The following PRKCH variants were observed in gnomAD, a reference collection of about 807,000 sequenced individuals.
The protein encoded by PRKCH is protein kinase C eta type.
Under a neutral mutation model 82.5 loss-of-function variants are expected in PRKCH, and 28 were observed. That is an observed-to-expected ratio of 0.34 (90% CI 0.25 to 0.47). The LOEUF (loss-of-function observed/expected upper bound fraction) is 0.47, where lower values mean the gene tolerates loss of function less well. PRKCH is among the 20% of genes least tolerant of loss of function. The pLI is 1.00. For missense variants in PRKCH, 705 were observed against 881.8 expected (o/e 0.80, Z 2.54); for synonymous variants, 322 against 327.4 (o/e 0.98, Z 0.18).
At chr14:61,378,790 GA>G (rs1168541284) in intron 1 of PRKCH, among the ~76,000 whole-genome samples, 4 of 152,060 alleles carry the variant, frequency 2.6e-5, no homozygotes, top group African/African-American at 9.7e-5. Context: ...CATCAGTTAC[GA>G]AAAGTCCAGC....
Position 61,549,853 on chromosome 14 carries a change from G to A in PRKCH, c.*22G>A, listed in dbSNP as rs768993285. 13 of 1,608,430 alleles carry A rather than the reference G, an allele frequency of 8.1e-6. No individual in the cohort carries two copies. The South Asian group carries it at 1.1e-4, about 14-fold the overall frequency. On this transcript the variant is annotated 3_prime_UTR_variant, in exon 14 of 14. Coordinates refer to ENST00000332981, the MANE Select transcript of PRKCH (RefSeq NM_006255.5). Reference sequence around the variant, plus strand: ...ATAGCCTTATGGGGAGTGAGAGAGAGGGCACGAGAACCCAAAGGGAATAGA... The same window carrying A: ...ATAGCCTTATGGGGAGTGAGAGAGAAGGCACGAGAACCCAAAGGGAATAGA...
intron 1 of PRKCH, among the ~76,000 whole-genome samples, chr14:61,343,351 C>CAAAAAAAAAAAAAA: frequency 1.1e-5 from 1 of 87,350 alleles, no homozygotes; most frequent in Non-Finnish European, 2.2e-5. Context: ...CCAGTTCCCT[C>CAAAAAAAAAAAAAA]AAAAAAAAAA....
intron 10 of PRKCH, among the ~76,000 whole-genome samples, chr14:61,503,566 T>C (rs1392998327): frequency 1.3e-5 from 2 of 152,128 alleles, no homozygotes; most frequent in Non-Finnish European, 2.9e-5. Context: ...TTTCAGAATG[T>C]AAAATATGAA....
intron 1 of PRKCH, among the ~76,000 whole-genome samples, chr14:61,243,920 A>C (rs2044860389): frequency 6.6e-6 from 1 of 150,526 alleles, no homozygotes. Flanking sequence ...AGACCAGCCT[A>C]GACAAGATGG....
chr14:61,483,828 G>T (rs539802360), intron 9 of PRKCH, among the ~76,000 whole-genome samples: 1 of 152,284 alleles, frequency 6.6e-6, no homozygotes, highest in East Asian at 1.9e-4. Flanking sequence ...TGGGAGTATT[G>T]CTTGAGCTCA....
At chr14:61,295,755 G>A (rs2045401109) in intron 1 of PRKCH, among the ~76,000 whole-genome samples, 1 of 152,214 alleles carries the variant, frequency 6.6e-6, no homozygotes, top group South Asian at 2.1e-4. Flanking sequence ...AGTAAAGAAA[G>A]CAATGGCTTA....
Position 61,322,338 on chromosome 14 carries a change from C to T in PRKCH, c.237C>T (p.Gly79=), listed in dbSNP as rs2045637513. The T allele has an allele frequency of 1.9e-6, 3 of 1,613,348 alleles. No homozygotes were observed. The highest frequency in any genetic ancestry group is 1.7e-6 in the Non-Finnish European group (2 of 1,179,930). ...NEEFCANVTD[G]GHLELAVFHE... is the part of the protein sequence containing the mutation. The stretch of plus-strand genomic sequence containing the variant: ...AGTTTTGCGCTAACGTCACCGACGG[C>T]GGCCACCTCGAGTTGGCCGTCTTCC... The change falls in exon 1 of 14, where the codon GGC becomes GGT. Residue 79 remains glycine (G), a synonymous_variant. Transcript: ENST00000332981.
At chr14:61,305,562 A>G (rs2045480421) in intron 1 of PRKCH, 1 of 152,112 alleles carries the variant, frequency 6.6e-6, no homozygotes, top group Non-Finnish European at 1.5e-5. Context: ...TTCTGTTATT[A>G]AATTATATAA....
intron 9 of PRKCH, chr14:61,476,423 G>A (rs1279011774): frequency 6.6e-6 from 1 of 152,214 alleles, no homozygotes; most frequent in Non-Finnish European, 1.5e-5. Flanking sequence ...GACCAGAAAT[G>A]CCAAAGGAGG....
intron 2 of PRKCH, among the ~76,000 whole-genome samples, chr14:61,428,076 TACAC>T (rs1555386066): frequency 4.8e-5 from 6 of 126,206 alleles, no homozygotes; most frequent in African/African-American, 1.8e-4. Flanking sequence ...GATAGATAGA[TACAC>T]ACACACACAC....
chr14:61,246,434 AT>A (rs968462660), intron 1 of PRKCH, among the ~76,000 whole-genome samples: 12 of 151,362 alleles, frequency 7.9e-5, no homozygotes, highest in African/African-American at 2.9e-4. Flanking sequence ...GAATTTTCTT[AT>A]TAAGTTTGTT....
chr14:61,257,203 G>A (rs1383270610), intron 1 of PRKCH, among the ~76,000 whole-genome samples: 2 of 152,206 alleles, frequency 1.3e-5, no homozygotes, highest in East Asian at 1.9e-4. Context: ...TCCAGTGAGA[G>A]TTAATAATAT....
At chr14:61,199,754 T>A (rs2044466076) in intron 1 of PRKCH, among the ~76,000 whole-genome samples, 1 of 152,134 alleles carries the variant, frequency 6.6e-6, no homozygotes, top group African/African-American at 2.4e-5. Context: ...ATGGAGCGCT[T>A]ACCTCTATTA....
At chr14:61,253,749 C>T (rs907272897) in intron 1 of PRKCH, among the ~76,000 whole-genome samples, 2 of 152,146 alleles carry the variant, frequency 1.3e-5, no homozygotes, top group Non-Finnish European at 2.9e-5. Flanking sequence ...GCAAGTTTTC[C>T]AAATTTCCTA....
At chr14:61,287,027 G>A (rs1051906810) in intron 1 of PRKCH, among the ~76,000 whole-genome samples, 6 of 151,496 alleles carry the variant, frequency 4.0e-5, no homozygotes, top group East Asian at 2.0e-4. Flanking sequence ...CCAATATGGC[G>A]AAACCCCGTC....
At chr14:61,538,135 C>A (rs1418634996) in intron 12 of PRKCH, among the ~76,000 whole-genome samples, 1 of 152,242 alleles carries the variant, frequency 6.6e-6, no homozygotes, top group South Asian at 2.1e-4. Flanking sequence ...CCGAGTAACG[C>A]AGAGGATCCA....
intron 2 of PRKCH, among the ~76,000 whole-genome samples, chr14:61,405,254 C>T (rs185985174): frequency 6.6e-6 from 1 of 152,308 alleles, no homozygotes; most frequent in Non-Finnish European, 1.5e-5. Context: ...CAAGTCCATG[C>T]ACTCCTAAAT....
At chr14:61,276,748 AG>A (rs1181314558) in intron 1 of PRKCH, among the ~76,000 whole-genome samples, 1 of 152,052 alleles carries the variant, frequency 6.6e-6, no homozygotes, top group Non-Finnish European at 1.5e-5. Context: ...CAACTTAGAG[AG>A]TTACTCAAGA....
intron 1 of PRKCH, among the ~76,000 whole-genome samples, chr14:61,234,389 C>G (rs549645700): frequency 6.6e-6 from 1 of 152,164 alleles, no homozygotes; most frequent in South Asian, 2.1e-4. Context: ...TGTGCTGCTC[C>G]CTTGGTAAGA....
Sources: allele counts gnomAD v4.1 joint callset (sites outside exome capture counted in the v4.1 genomes callset), GRCh38; gene constraint gnomAD v4.1.1; transcripts MANE v1.5; gene names NCBI Gene and HGNC (gene_info 2026-07-23, HGNC 2026-07-21).